Variants in VEPH1 observed in about 807,000 individuals in gnomAD.
The protein encoded by VEPH1 is ventricular zone expressed PH domain containing 1, also known as ventricular zone-expressed PH domain-containing protein homolog 1.
VEPH1 carries 80 observed loss-of-function variants against 85.2 expected under a neutral mutation model. The observed-to-expected ratio is 0.94, with a 90% confidence interval of 0.78 to 1.13. VEPH1 has a LOEUF of 1.13. Among genes scored for constraint, VEPH1 ranks in the 50% most tolerant of loss-of-function variants. The pLI is 0.00. For synonymous variants in VEPH1, 297 were observed against 348.0 expected (o/e 0.85, Z 1.63); for missense variants, 955 against 980.5 (o/e 0.97, Z 0.35).
chr3:157,442,142 C>T (rs1032095553), intron 4 of VEPH1, among the ~76,000 whole-genome samples: 1 of 152,068 alleles, frequency 6.6e-6, no homozygotes, highest in Non-Finnish European at 1.5e-5. Context: ...TGCGTGCTTT[C>T]TCTTCATTTA....
chr3:157,448,236 G>A (rs917684236), intron 4 of VEPH1, among the ~76,000 whole-genome samples: 1 of 152,036 alleles, frequency 6.6e-6, no homozygotes, highest in African/African-American at 2.4e-5. Context: ...TATTTTCCAG[G>A]TCATTGCCAG....
At chr3:157,281,678 C>T (rs111711931) in intron 12 of VEPH1, among the ~76,000 whole-genome samples, 6,559 of 152,088 alleles carry the variant, frequency 0.043, 171 homozygotes, top group South Asian at 0.11. Flanking sequence ...GCTGGGATTA[C>T]AGGCACACAC....
intron 11 of VEPH1, among the ~76,000 whole-genome samples, chr3:157,307,772 T>C (rs918479569): frequency 1.1e-4 from 17 of 151,888 alleles, no homozygotes; most frequent in East Asian, 7.7e-4. Context: ...AAATTGTAAT[T>C]ACATTTTAAT....
chr3:157,286,170 G>C lies in VEPH1; in HGVS notation c.2128+387C>G, dbSNP rs182328250. Reference sequence around the variant, plus strand: ...ATCAAGCAACAGTGTTAGGGATTACGTGAGATAATATGGTCTGTGTGCTGA... The same window carrying C: ...ATCAAGCAACAGTGTTAGGGATTACCTGAGATAATATGGTCTGTGTGCTGA... On this transcript the variant is annotated intron_variant, in intron 12 of 13. Transcript: ENST00000362010. 8.8e-4 allele frequency: 144 copies of C among 163,646 alleles called. No individual in the cohort carries two copies. The Middle Eastern group carries it at 0.012, about 14-fold the overall frequency. The allele number at this position is 163,646 out of a possible 1,614,324, so 10.1% of individuals were successfully genotyped here. A position where few individuals can be genotyped will look rare whatever the true frequency, so the allele number is the denominator to read the frequency against.
intron 9 of VEPH1, among the ~76,000 whole-genome samples, chr3:157,334,746 A>T (rs1308160694): frequency 6.6e-6 from 1 of 152,216 alleles, no homozygotes; most frequent in Admixed American, 6.5e-5. Context: ...GGGGTGTAGA[A>T]AGTAAGAAAT....
chr3:157,483,005 T>C (rs944331548), intron 2 of VEPH1, among the ~76,000 whole-genome samples: 1 of 152,116 alleles, frequency 6.6e-6, no homozygotes, highest in South Asian at 2.1e-4. Flanking sequence ...ATTCCACAAC[T>C]ACTTAATAAT....
At chr3:157,491,940 T>A (rs1739245382) in intron 2 of VEPH1, among the ~76,000 whole-genome samples, 1 of 152,120 alleles carries the variant, frequency 6.6e-6, no homozygotes, top group Admixed American at 6.6e-5. Context: ...TATTGGGCAA[T>A]GATAAATTAC....
At chr3:157,475,948 G>A (rs189750849) in intron 2 of VEPH1, among the ~76,000 whole-genome samples, 1 of 151,928 alleles carries the variant, frequency 6.6e-6, no homozygotes, top group East Asian at 1.9e-4. Context: ...TAAGAAGCAT[G>A]GATCCACACA....
chr3:157,279,467 TAGAG>T (rs1325763666), intron 12 of VEPH1, among the ~76,000 whole-genome samples: 3 of 151,928 alleles, frequency 2.0e-5, no homozygotes, highest in Admixed American at 6.6e-5. Context: ...AGGCAGTGGA[TAGAG>T]AGAGACAACT....
chr3:157,262,945 A>T (rs964702588), intron 13 of VEPH1, among the ~76,000 whole-genome samples: 6 of 152,226 alleles, frequency 3.9e-5, no homozygotes, highest in African/African-American at 1.4e-4. Context: ...ATACGAAAAT[A>T]AAAAGTTACC....
intron 9 of VEPH1, among the ~76,000 whole-genome samples, chr3:157,329,811 A>G (rs1456173882): frequency 1.3e-5 from 2 of 152,198 alleles, no homozygotes; most frequent in Non-Finnish European, 2.9e-5. Flanking sequence ...CCATCGAAAA[A>G]CTAAAGTAAA....
intron 9 of VEPH1, among the ~76,000 whole-genome samples, chr3:157,317,676 C>T (rs1720887019): frequency 6.6e-6 from 1 of 152,128 alleles, no homozygotes; most frequent in African/African-American, 2.4e-5. Flanking sequence ...TTCCTGTGAA[C>T]TGTACTGGTC....
chr3:157,411,810 C>T (rs983539923), intron 6 of VEPH1, among the ~76,000 whole-genome samples: 4 of 152,182 alleles, frequency 2.6e-5, no homozygotes, highest in Admixed American at 2.0e-4. Flanking sequence ...ATCCACCTCT[C>T]CTTCTCCTGG....
chr3:157,395,577 G>C (rs998575695), intron 6 of VEPH1, among the ~76,000 whole-genome samples: 21 of 152,140 alleles, frequency 1.4e-4, no homozygotes, highest in African/African-American at 5.1e-4. Flanking sequence ...ATATCCACTT[G>C]ATTATTAAAA....
chr3:157,445,470 A>C (rs759638029), intron 4 of VEPH1, among the ~76,000 whole-genome samples: 1 of 152,068 alleles, frequency 6.6e-6, no homozygotes, highest in Non-Finnish European at 1.5e-5. Flanking sequence ...AAATACAAAA[A>C]ATGAGCCAGG....
At chr3:157,286,127 A>G (rs1716737542) in intron 12 of VEPH1, 1 of 153,314 alleles carries the variant, frequency 6.5e-6, no homozygotes, top group Non-Finnish European at 1.5e-5. Context: ...TCAATGCTTC[A>G]CTTTTTACAG....
chr3:157,298,789 C>G (rs1718419030), intron 11 of VEPH1, among the ~76,000 whole-genome samples: 1 of 151,670 alleles, frequency 6.6e-6, no homozygotes, highest in East Asian at 1.9e-4. Context: ...GTTTTTTTTA[C>G]TGAATTAAAA....
intron 4 of VEPH1, chr3:157,443,220 C>A: frequency 2.3e-6 from 1 of 433,408 alleles, no homozygotes; most frequent in East Asian, 3.5e-5. Flanking sequence ...CAGTTTAATG[C>A]TGTGTCTCTG....
At chr3:157,316,648 A>G (rs987697064) in intron 10 of VEPH1, among the ~76,000 whole-genome samples, 3 of 151,938 alleles carry the variant, frequency 2.0e-5, no homozygotes, top group Non-Finnish European at 2.9e-5. Context: ...TTCTATAGAA[A>G]AAAGAGACAT....
Sources: allele counts gnomAD v4.1 joint callset (sites outside exome capture counted in the v4.1 genomes callset), GRCh38; gene constraint gnomAD v4.1.1; transcripts MANE v1.5; gene names NCBI Gene and HGNC (gene_info 2026-07-23, HGNC 2026-07-21).